The following OGT variants were observed in gnomAD, a reference collection of about 807,000 sequenced individuals.
The protein encoded by OGT is UDP-N-acetylglucosamine--peptide N-acetylglucosaminyltransferase 110 kDa subunit.
Under a neutral mutation model 75.8 loss-of-function variants are expected in OGT, and 3 were observed. That is an observed-to-expected ratio of 0.04 (90% CI 0.02 to 0.10). The LOEUF (loss-of-function observed/expected upper bound fraction) is 0.10, where lower values mean the gene tolerates loss of function less well. OGT is among the 10% of genes least tolerant of loss of function. The probability of loss-of-function intolerance (pLI) is 1.00; values close to 1 mark genes in which losing one functional copy is unlikely to be tolerated. For synonymous variants in OGT, 257 were observed against 289.7 expected (o/e 0.89, Z 1.15); for missense variants, 260 against 824.4 (o/e 0.32, Z 8.38).
At chrX:71,537,453 C>A (rs924882162) in intron 2 of OGT, among the ~76,000 whole-genome samples, 9 of 111,244 alleles carry the variant, frequency 8.1e-5, no homozygotes, top group African/African-American at 2.9e-4. Flanking sequence ...AGGCGCCTGC[C>A]ATCATGCGTG....
intron 7 of OGT, chrX:71,555,712 G>A: frequency 4.9e-6 from 2 of 411,454 alleles, no homozygotes; most frequent in South Asian, 8.8e-5. Context: ...AACAGAGCAC[G>A]AGACTCTGTC....
chrX:71,558,506 G>A (rs1167341429), intron 12 of OGT, among the ~76,000 whole-genome samples: 1 of 109,609 alleles, frequency 9.1e-6, no homozygotes, highest in Non-Finnish European at 1.9e-5. Context: ...GATTACAGGC[G>A]TGTGCCACCA....
intron 12 of OGT, among the ~76,000 whole-genome samples, chrX:71,558,298 GA>G (rs969759746): frequency 2.7e-5 from 3 of 109,540 alleles, no homozygotes; most frequent in African/African-American, 1.0e-4. Context: ...TCACCTTTGA[GA>G]ATTAGAGCAG....
chrX:71,560,925 TACTC>T (rs1172336552), intron 14 of OGT, among the ~76,000 whole-genome samples: 6 of 110,504 alleles, frequency 5.4e-5, no homozygotes, highest in South Asian at 3.9e-4. Context: ...AGAAGTGAAT[TACTC>T]ACCCTTTTTT....
At chrX:71,569,318 ACT>A (rs1388460524) in intron 21 of OGT, among the ~76,000 whole-genome samples, 3 of 111,295 alleles carry the variant, frequency 2.7e-5, no homozygotes, top group Non-Finnish European at 5.7e-5. Flanking sequence ...ACAGAGCGAG[ACT>A]CTGTCTCAAA....
intron 2 of OGT, 60 bp downstream of exon 2, chrX:71,536,418 T>C: frequency 1.1e-6 from 1 of 942,015 alleles, no homozygotes; most frequent in Middle Eastern, 3.9e-4. Context: ...GCTTGAAAAA[T>C]GATACTTAAA....
intron 13 of OGT, 34 bp from the exon 14 acceptor site, chrX:71,559,554 A>T (rs377377554): frequency 1.0e-5 from 12 of 1,172,464 alleles, no homozygotes; most frequent in Admixed American, 4.5e-5. Flanking sequence ...GATTTGAGCC[A>T]ATGTTATTAA....
intron 21 of OGT, 27 bp from the exon 22 acceptor site, chrX:71,573,593 A>C (rs770474300): frequency 8.7e-7 from 1 of 1,155,256 alleles, no homozygotes; most frequent in Admixed American, 2.7e-5. Flanking sequence ...TGATTTGTAA[A>C]CTGGGTTCTT....
At position 71,537,838 on chromosome X, in the gene OGT, C is replaced by T; in HGVS notation, c.228C>T (p.His76=). Residue 76 remains histidine (H), a synonymous_variant, in exon 3 of 22, where the codon CAC becomes CAT. Transcript: ENST00000373719. The part of the protein sequence containing the change: ...FQCRRLDRSA[H]FSTLAIKQNP... ...TTGTCGCCTTTTCCAGATCTGCTCA[C>T]TTTAGCACTCTGGCAATTAAACAGA... 8.3e-7 allele frequency: 1 copy of T among 1,211,775 alleles called. No homozygotes were observed. The highest frequency in any genetic ancestry group is 2.2e-5 in the Admixed American group (1 of 46,081).
chrX:71,555,711 C>T (rs1018590651), intron 7 of OGT: 13 of 406,891 alleles, frequency 3.2e-5, no homozygotes, highest in Admixed American at 9.1e-5. Flanking sequence ...CAACAGAGCA[C>T]GAGACTCTGT....
intron 20 of OGT, 96 bp from the exon 21 acceptor site, chrX:71,567,897 T>C: frequency 9.2e-7 from 1 of 1,089,912 alleles, no homozygotes; most frequent in South Asian, 2.2e-5. Context: ...CACTTCATTC[T>C]CTTCATCTGC....
chrX:71,559,226 T>G (rs1438766058), intron 12 of OGT, 41 bp from the exon 13 acceptor site: 2 of 1,165,061 alleles, frequency 1.7e-6, no homozygotes, highest in African/African-American at 3.6e-5. Flanking sequence ...AGATGAAAAT[T>G]TATGTAGATT....
intron 8 of OGT, 175 bp from the exon 9 acceptor site, chrX:71,556,505 A>G: frequency 2.6e-6 from 1 of 387,055 alleles, no homozygotes; most frequent in East Asian, 4.0e-5. Context: ...GTTTGAAACA[A>G]GAAGAGGTAT....
chrX:71,553,930 G>C (rs779221278), intron 5 of OGT, among the ~76,000 whole-genome samples: 22 of 111,864 alleles, frequency 2.0e-4, no homozygotes, highest in African/African-American at 7.1e-4. Context: ...GCCTGTGATA[G>C]AGCCTCGGTA....
At chrX:71,557,156 T>C in intron 10 of OGT, 39 bp from the exon 11 acceptor site, 1 of 1,199,762 alleles carries the variant, frequency 8.3e-7, no homozygotes, top group Non-Finnish European at 1.1e-6. Flanking sequence ...AATTTAACTT[T>C]TGGAAATTTT....
intron 5 of OGT, among the ~76,000 whole-genome samples, chrX:71,553,936 C>G (rs67271341): frequency 9.0e-6 from 1 of 110,827 alleles, no homozygotes; most frequent in East Asian, 2.8e-4. Flanking sequence ...GATAGAGCCT[C>G]GGTACCTTTT....
At chrX:71,564,565 C>G (rs1468129639) in intron 18 of OGT, 36 bp from the exon 19 acceptor site, 1 of 1,146,481 alleles carries the variant, frequency 8.7e-7, no homozygotes, top group Non-Finnish European at 1.2e-6. Context: ...ACTCCTTTTG[C>G]CTTTAAATAT....
chrX:71,549,882 T>A, intron 5 of OGT, among the ~76,000 whole-genome samples: 1 of 112,210 alleles, frequency 8.9e-6, no homozygotes, highest in Non-Finnish European at 1.9e-5. Context: ...TTTTGGAATG[T>A]CTTGTCATAC....
intron 1 of OGT, 35 bp from the exon 2 acceptor site, chrX:71,536,143 C>G: frequency 8.9e-7 from 1 of 1,125,814 alleles, no homozygotes; most frequent in Non-Finnish European, 1.2e-6. Context: ...TTGTTTTCCC[C>G]CCTCCTTCCC....
Sources: gnomAD v4.1 joint callset for allele counts (sites outside exome capture counted in the v4.1 genomes callset) on GRCh38, gnomAD v4.1.1 for gene constraint, MANE v1.5 for transcripts, NCBI Gene and HGNC (gene_info 2026-07-23, HGNC 2026-07-21) for gene names.